Variants in SIL1 observed in about 807,000 individuals in gnomAD.
The protein encoded by SIL1 is nucleotide exchange factor SIL1.
A neutral mutation model predicts 49.1 loss-of-function variants in SIL1; 40 were observed. The observed-to-expected ratio is 0.81, with a 90% confidence interval of 0.63 to 1.06. The LOEUF (loss-of-function observed/expected upper bound fraction) is 1.06. Among genes scored for constraint, SIL1 ranks in the 50% least tolerant of loss-of-function variants. SIL1 has a pLI of 0.00. For synonymous variants in SIL1, 253 were observed against 250.8 expected, an observed-to-expected ratio of 1.01 and a Z score of -0.08; for missense variants, 500 against 572.6, an observed-to-expected ratio of 0.87 and a Z score of 1.29.
intron 3 of SIL1, among the ~76,000 whole-genome samples, chr5:139,057,858 A>G (rs1431793772): frequency 6.6e-6 from 1 of 152,208 alleles, no homozygotes; most frequent in Non-Finnish European, 1.5e-5. Flanking sequence ...TGTTCCTCAC[A>G]GAAGGTGCCT....
At chr5:138,999,725 T>C (rs1436784413) in intron 7 of SIL1, among the ~76,000 whole-genome samples, 2 of 152,184 alleles carry the variant, frequency 1.3e-5, no homozygotes, top group African/African-American at 2.4e-5. Context: ...ACTGAAATCG[T>C]TTATCAGTTC....
At chr5:139,177,290 A>G (rs1240925889) in intron 1 of SIL1, among the ~76,000 whole-genome samples, 1 of 151,530 alleles carries the variant, frequency 6.6e-6, no homozygotes, top group Non-Finnish European at 1.5e-5. Flanking sequence ...CCCAGGCTGG[A>G]GTGCAGTGGC....
chr5:139,144,598 C>T (rs886298570), intron 1 of SIL1, among the ~76,000 whole-genome samples: 4 of 152,088 alleles, frequency 2.6e-5, no homozygotes, highest in East Asian at 1.9e-4. Flanking sequence ...TGGCAGGGTG[C>T]GGTGGCTCAC....
chr5:139,050,092 A>G, intron 4 of SIL1, among the ~76,000 whole-genome samples: 1 of 151,910 alleles, frequency 6.6e-6, no homozygotes, highest in East Asian at 1.9e-4. Context: ...ATACATTTTC[A>G]TGAGTCATGA....
chr5:139,064,015 C>G (rs565355227), intron 3 of SIL1, among the ~76,000 whole-genome samples: 33 of 152,310 alleles, frequency 2.2e-4, no homozygotes, highest in African/African-American at 7.5e-4. Flanking sequence ...AAGCAAAGTG[C>G]CAAGATATTG....
chr5:139,080,134 A>G (rs1175222770), intron 3 of SIL1, among the ~76,000 whole-genome samples: 1 of 152,226 alleles, frequency 6.6e-6, no homozygotes, highest in Non-Finnish European at 1.5e-5. Context: ...TCCAAATAAA[A>G]CTAAATATAA....
At chr5:139,056,567 C>T (rs866994694) in intron 3 of SIL1, among the ~76,000 whole-genome samples, 6 of 148,928 alleles carry the variant, frequency 4.0e-5, no homozygotes, top group Non-Finnish European at 7.5e-5. Flanking sequence ...GCCCCCCGAC[C>T]GGCCAGCCGC....
chr5:139,162,882 T>C lies in SIL1; in HGVS notation c.-10-35029A>G, dbSNP rs370463533. Among the ~76,000 whole-genome samples, 3 of 152,246 alleles carry C rather than the reference T, an allele frequency of 2.0e-5. No homozygotes were observed. In the East Asian group the frequency reaches 5.8e-4, roughly 29 times the overall value. ...AGAAAAATATCAAGTGGTTAAGTTATGGTGACTTAAGTAGTCACTTTATAC... is the reference window on the plus strand; with the variant it reads ...AGAAAAATATCAAGTGGTTAAGTTACGGTGACTTAAGTAGTCACTTTATAC... On this transcript the variant is annotated intron_variant, in intron 1 of 9. Coordinates refer to ENST00000394817, the MANE Select transcript of SIL1 (RefSeq NM_022464.5).
chr5:138,997,971 A>G (rs1454182137), intron 7 of SIL1, among the ~76,000 whole-genome samples: 1 of 152,120 alleles, frequency 6.6e-6, no homozygotes, highest in Non-Finnish European at 1.5e-5. Context: ...AAATTTTAGA[A>G]TCGTCTCTTT....
chr5:139,152,836 T>C (rs191924554), intron 1 of SIL1, among the ~76,000 whole-genome samples: 1 of 152,244 alleles, frequency 6.6e-6, no homozygotes, highest in African/African-American at 2.4e-5. Flanking sequence ...CCTATTGAGA[T>C]GGAGTTTTGC....
At chr5:139,121,590 A>G (rs1750642256) in intron 2 of SIL1, among the ~76,000 whole-genome samples, 2 of 152,234 alleles carry the variant, frequency 1.3e-5, no homozygotes, top group Non-Finnish European at 2.9e-5. Flanking sequence ...TTTAGAAAAG[A>G]AAAAAACACA....
intron 7 of SIL1, among the ~76,000 whole-genome samples, chr5:139,012,113 G>A (rs982377046): frequency 1.3e-5 from 2 of 152,068 alleles, no homozygotes; most frequent in African/African-American, 4.8e-5. Context: ...CAGTGCAGTG[G>A]CATGATCATG....
chr5:138,971,467 A>T (rs527240140), intron 7 of SIL1, among the ~76,000 whole-genome samples: 32 of 152,208 alleles, frequency 2.1e-4, no homozygotes, highest in Admixed American at 3.3e-4. Flanking sequence ...AAATCTACAC[A>T]GCACTAAAAG....
chr5:139,004,183 T>G (rs1180097423), intron 7 of SIL1, among the ~76,000 whole-genome samples: 1 of 152,210 alleles, frequency 6.6e-6, no homozygotes, highest in East Asian at 1.9e-4. Context: ...TTATTAGTTT[T>G]TGAGATAGGG....
At chr5:138,988,328 G>T (rs1000035574) in intron 7 of SIL1, among the ~76,000 whole-genome samples, 1 of 152,116 alleles carries the variant, frequency 6.6e-6, no homozygotes, top group African/African-American at 2.4e-5. Context: ...TGCCTTAACA[G>T]ATTTTAAACT....
chr5:139,027,997 G>C (rs1439512100), intron 5 of SIL1, among the ~76,000 whole-genome samples: 1 of 152,128 alleles, frequency 6.6e-6, no homozygotes, highest in Non-Finnish European at 1.5e-5. Context: ...GCCACATCCT[G>C]ATTCTCTGGG....
intron 3 of SIL1, among the ~76,000 whole-genome samples, chr5:139,110,342 T>C (rs559090181): frequency 1.3e-5 from 2 of 152,188 alleles, no homozygotes; most frequent in South Asian, 2.1e-4. Context: ...ATATTACTAT[T>C]CCTTAAAAAC....
At chr5:138,952,568 G>A (rs567000719) in intron 7 of SIL1, among the ~76,000 whole-genome samples, 1 of 152,338 alleles carries the variant, frequency 6.6e-6, no homozygotes, top group African/African-American at 2.4e-5. Flanking sequence ...AGCCTGCCAC[G>A]TCACAGGTCC....
At chr5:139,038,117 T>C (rs1234049222) in intron 5 of SIL1, among the ~76,000 whole-genome samples, 1 of 152,130 alleles carries the variant, frequency 6.6e-6, no homozygotes, top group Admixed American at 6.5e-5. Context: ...CTAATTACCT[T>C]CCAAAGGTCC....
Sources: allele counts gnomAD v4.1 joint callset (sites outside exome capture counted in the v4.1 genomes callset), GRCh38; gene constraint gnomAD v4.1.1; transcripts MANE v1.5; gene names NCBI Gene and HGNC (gene_info 2026-07-23, HGNC 2026-07-21).